ITGB5: variants seen among roughly 807,000 people sequenced by gnomAD.
ITGB5 encodes the protein integrin beta-5.
A neutral mutation model predicts 84.8 loss-of-function variants in ITGB5; 38 were observed. That is an observed-to-expected ratio of 0.45 (90% confidence interval 0.35 to 0.59). ITGB5 has a LOEUF of 0.59. Among genes scored for constraint, ITGB5 ranks in the 20% least tolerant of loss-of-function variants. The probability of loss-of-function intolerance (pLI) is 0.01; values close to 1 mark genes in which losing one functional copy is unlikely to be tolerated. For missense variants in ITGB5, 905 were observed against 1,034.5 expected (o/e 0.87, Z 1.72); for synonymous variants, 393 against 414.4 (o/e 0.95, Z 0.63).
At chr3:124,817,777 G>T in intron 7 of ITGB5, 67 bp from the exon 8 acceptor site, 1 of 847,352 alleles carries the variant, frequency 1.2e-6, no homozygotes, top group Non-Finnish European at 2.0e-6. Context: ...AGTGAGCATT[G>T]CTATACTGGG....
chr3:124,855,211 G>A (rs1450567140), intron 3 of ITGB5, among the ~76,000 whole-genome samples: 2 of 152,078 alleles, frequency 1.3e-5, no homozygotes, highest in African/African-American at 4.8e-5. Context: ...TACTCAGAAG[G>A]CTAAGGCATA....
At chr3:124,866,071 C>T (rs2065384556) in intron 2 of ITGB5, among the ~76,000 whole-genome samples, 1 of 152,158 alleles carries the variant, frequency 6.6e-6, no homozygotes, top group Admixed American at 6.5e-5. Flanking sequence ...TCTCGGCTCA[C>T]TGCAACTTCT....
upstream of ITGB5, among the ~76,000 whole-genome samples, chr3:124,890,337 G>A (rs1400166619): frequency 6.6e-6 from 1 of 151,426 alleles, no homozygotes; most frequent in Non-Finnish European, 1.5e-5. Context: ...CCAAGTAGCT[G>A]GGACTACAGG....
chr3:124,853,708 C>A (rs1218095132), intron 3 of ITGB5, among the ~76,000 whole-genome samples: 2 of 152,108 alleles, frequency 1.3e-5, no homozygotes, highest in African/African-American at 4.8e-5. Context: ...CCAAAAGCAA[C>A]CAATTACCTG....
chr3:124,825,951 C>A lies in ITGB5; in HGVS notation c.781-4477G>T, dbSNP rs1324493737. 5.3e-5 allele frequency among the ~76,000 whole-genome samples: 8 copies of A among 152,228 alleles called. No individual in the cohort carries two copies. The South Asian group carries it at 1.7e-3, about 32-fold the overall frequency. ...TACTGTGCTGGAAAAGGTAAATAAACTCAGATATCTCCTCTACAGCCATCA... is the reference window on the plus strand; with the variant it reads ...TACTGTGCTGGAAAAGGTAAATAAAATCAGATATCTCCTCTACAGCCATCA... On this transcript the variant is annotated intron_variant, in intron 5 of 14. Transcript: ENST00000296181.
rs768096139 is a variant in ITGB5 at position 124,821,374 on chromosome 3, T to C, written c.881A>G (p.Gln294Arg). The C allele has an allele frequency of 1.9e-6, 3 of 1,614,228 alleles. No individual in the cohort carries two copies. Among genetic ancestry groups the C allele is most frequent in the Admixed American group, 1.7e-5 (1 of 60,026 alleles). ...ALDGKLGGLV[Q>R]PHDGQCHLNE... ...CAGGTGGCACTGGCCATCGTGTGGC[T>C]GCACCAGGCCTCCCAATTTTCCATC... Residue 294 changes from glutamine to arginine, a missense_variant, in exon 6 of 15, where the codon CAG (glutamine) becomes CGG (arginine). By Grantham distance (43) the Gln-to-Arg change is conservative (BLOSUM62 1). This residue lies in a region of ITGB5 where 656 missense variants were observed against 734.7 expected (regional missense o/e 0.89). Coordinates refer to ENST00000296181, the MANE Select transcript of ITGB5 (RefSeq NM_002213.5).
At chr3:124,896,636 T>C (rs1935105837) in intron 1 of ITGB5, among the ~76,000 whole-genome samples, 1 of 151,642 alleles carries the variant, frequency 6.6e-6, no homozygotes, top group African/African-American at 2.4e-5. Context: ...TCCCAGCTAC[T>C]TGAGAGGCTG....
chr3:124,810,814 G>A (rs114231279), intron 8 of ITGB5, among the ~76,000 whole-genome samples: 3,771 of 152,164 alleles, frequency 0.025, 180 homozygotes, highest in African/African-American at 0.086. Context: ...ATCCGCAGAC[G>A]GCCCTGCGGA....
intron 10 of ITGB5, among the ~76,000 whole-genome samples, chr3:124,790,505 A>T (rs2064134419): frequency 6.6e-6 from 1 of 151,998 alleles, no homozygotes; most frequent in South Asian, 2.1e-4. Flanking sequence ...TTGACTAGAC[A>T]GGGTTATCAG....
intron 9 of ITGB5, among the ~76,000 whole-genome samples, chr3:124,805,931 A>G (rs938023434): frequency 2.6e-5 from 4 of 152,182 alleles, no homozygotes; most frequent in Non-Finnish European, 5.9e-5. Context: ...ATATTTTTAA[A>G]TCTTGGCTTT....
intron 1 of ITGB5, among the ~76,000 whole-genome samples, chr3:124,876,943 T>C (rs1934350968): frequency 6.6e-6 from 1 of 151,980 alleles, no homozygotes; most frequent in African/African-American, 2.4e-5. Context: ...GAGTTTTCTT[T>C]TCTTTTCTTT....
chr3:124,863,880 CA>C (rs1468040702), intron 2 of ITGB5, among the ~76,000 whole-genome samples: 2 of 150,348 alleles, frequency 1.3e-5, no homozygotes, highest in African/African-American at 4.9e-5. Context: ...TGACAGAGAC[CA>C]GGGGCATATC....
At chr3:124,865,485 T>C (rs995686873) in intron 2 of ITGB5, among the ~76,000 whole-genome samples, 20 of 135,466 alleles carry the variant, frequency 1.5e-4, no homozygotes, top group South Asian at 1.3e-3. Flanking sequence ...TTTTTTCTTT[T>C]TTTTTTTTTT....
chr3:124,897,202 C>A (rs1935121043), intron 1 of ITGB5, among the ~76,000 whole-genome samples: 1 of 152,226 alleles, frequency 6.6e-6, no homozygotes, highest in South Asian at 2.1e-4. Flanking sequence ...CCTTCCAGAA[C>A]TACTGTTGAC....
At chr3:124,778,905 G>A (rs2063962709) in intron 10 of ITGB5, among the ~76,000 whole-genome samples, 1 of 152,006 alleles carries the variant, frequency 6.6e-6, no homozygotes, top group African/African-American at 2.4e-5. Flanking sequence ...AGGGAAACAG[G>A]GTGACCAGCT....
intron 4 of ITGB5, among the ~76,000 whole-genome samples, chr3:124,845,838 T>G (rs556298103): frequency 6.6e-6 from 1 of 152,230 alleles, no homozygotes; most frequent in East Asian, 1.9e-4. Flanking sequence ...TCAGATGAAT[T>G]GAAAAAAGGC....
intron 5 of ITGB5, among the ~76,000 whole-genome samples, chr3:124,840,747 C>T (rs1420735232): frequency 6.6e-6 from 1 of 152,078 alleles, no homozygotes; most frequent in Non-Finnish European, 1.5e-5. Context: ...TCACTGCAAC[C>T]TCCGCCTCCT....
At chr3:124,876,249 A>C (rs769676869) in intron 1 of ITGB5, among the ~76,000 whole-genome samples, 3 of 152,214 alleles carry the variant, frequency 2.0e-5, no homozygotes, top group Non-Finnish European at 4.4e-5. Context: ...ATAAAACATC[A>C]TATCATATAC....
In ITGB5 at chr3:124,871,885, A is replaced by G. The variant is rs190151697; in HGVS notation, c.156+1561T>C. Among the ~76,000 whole-genome samples the G allele has an allele frequency of 5.9e-5, 9 of 152,052 alleles. No individual in the cohort carries two copies. The East Asian group carries it at 1.7e-3, about 29-fold the overall frequency. On this transcript the variant is annotated intron_variant, in intron 2 of 14. Coordinates refer to ENST00000296181, the MANE Select transcript of ITGB5 (RefSeq NM_002213.5). ...ATAAATAAATAAATAAAAGAAGGAA[A>G]GGAGGAAGAAAAAGCCAGGAAGGCT... is the stretch of plus-strand genomic sequence containing the variant.
Sources: gnomAD v4.1 joint callset for allele counts (sites outside exome capture counted in the v4.1 genomes callset) on GRCh38, gnomAD v4.1.1 for gene constraint, gnomAD v4.1.1 regional missense constraint, MANE v1.5 for transcripts, NCBI Gene and HGNC (gene_info 2026-07-23, HGNC 2026-07-21) for gene names.